PIK3R1: variants seen among roughly 807,000 people sequenced by gnomAD.
PIK3R1 encodes phosphatidylinositol 3-kinase regulatory subunit alpha.
A neutral mutation model predicts 98.0 loss-of-function variants in PIK3R1; 29 were observed. That is an observed-to-expected ratio of 0.30 (90% confidence interval 0.22 to 0.40). PIK3R1 has a LOEUF of 0.40. PIK3R1 is among the 10% of genes least tolerant of loss of function. The pLI, the probability that PIK3R1 is intolerant of heterozygous loss-of-function variation, is 1.00. For synonymous variants in PIK3R1, 282 were observed against 311.8 expected (o/e 0.90, Z 1.01); for missense variants, 596 against 872.7 (o/e 0.68, Z 3.99).
chr5:68,261,838 T>A (rs752072226), intron 2 of PIK3R1, among the ~76,000 whole-genome samples: 13 of 152,220 alleles, frequency 8.5e-5, no homozygotes, highest in Non-Finnish European at 8.8e-5. Context: ...TACTGAGGCC[T>A]AATCTGATAG....
At chr5:68,255,848 G>T (rs1040253934) in intron 2 of PIK3R1, among the ~76,000 whole-genome samples, 1 of 152,170 alleles carries the variant, frequency 6.6e-6, no homozygotes, top group East Asian at 1.9e-4. Flanking sequence ...GATTATTTGG[G>T]GCTTTGGGTC....
chr5:68,229,005 A>G (rs945761527), intron 2 of PIK3R1, among the ~76,000 whole-genome samples: 1 of 152,186 alleles, frequency 6.6e-6, no homozygotes, highest in African/African-American at 2.4e-5. Context: ...ACATGGAAAG[A>G]TGGAGTGAAA....
chr5:68,272,538 C>T (rs183829359), intron 2 of PIK3R1, among the ~76,000 whole-genome samples: 5 of 152,162 alleles, frequency 3.3e-5, no homozygotes, highest in African/African-American at 1.2e-4. Context: ...TTTTTGCTTA[C>T]AATGGTCTTA....
At chr5:68,274,158 C>T (rs1422120086) in intron 4 of PIK3R1, 145 bp downstream of exon 4, 9 of 713,020 alleles carry the variant, frequency 1.3e-5, no homozygotes, top group Non-Finnish European at 2.0e-5. Flanking sequence ...TTCTCCCTGC[C>T]CTGTTATGGT....
At chr5:68,269,821 G>A (rs1389260939) in intron 2 of PIK3R1, among the ~76,000 whole-genome samples, 1 of 151,718 alleles carries the variant, frequency 6.6e-6, no homozygotes, top group African/African-American at 2.4e-5. Context: ...ATATTTTAAA[G>A]AGGAAATGGA....
chr5:68,287,321 G>C (rs185036087), intron 7 of PIK3R1, among the ~76,000 whole-genome samples: 4 of 151,680 alleles, frequency 2.6e-5, no homozygotes, highest in Admixed American at 6.6e-5. Context: ...TTTTTTTTAC[G>C]TTCTCTAGCA....
rs572080239 is a variant in PIK3R1, at chr5:68,226,334, T to A, written c.-342T>A. ...TGCCACGGTACAATCAGACGACAGA[T>A]GGACAGTGTGACAAAAGTGTCAGAA... On this transcript the variant is annotated 5_prime_UTR_variant, in exon 2 of 16. The change abolishes an upstream ATG in the 5' untranslated region. Coordinates refer to ENST00000521381, the MANE Select transcript of PIK3R1 (RefSeq NM_181523.3). 1 of 437,164 alleles carries A rather than the reference T, an allele frequency of 2.3e-6. No homozygotes were observed. Among genetic ancestry groups the A allele is most frequent in the African/African-American group, 2.0e-5 (1 of 50,422 alleles). The allele number at this position is 437,164 out of a possible 1,614,324, so 27.1% of individuals were successfully genotyped here.
chr5:68,292,436 T>C, intron 8 of PIK3R1, 75 bp downstream of exon 8: 1 of 1,467,262 alleles, frequency 6.8e-7, no homozygotes, highest in Middle Eastern at 1.7e-4. Context: ...CTAAGTTCCA[T>C]TTTTAGGATA....
rs953744747 is a variant in PIK3R1 at position 68,251,011 on chromosome 5, G to A, written c.335-22379G>A. Among the ~76,000 whole-genome samples, 4 of 152,142 alleles carry A rather than the reference G, an allele frequency of 2.6e-5. No individual in the cohort carries two copies. The East Asian group carries it at 5.8e-4, about 22-fold the overall frequency. On this transcript the variant is annotated intron_variant, in intron 2 of 15. Coordinates refer to ENST00000521381, the MANE Select transcript of PIK3R1 (RefSeq NM_181523.3). ...CAAAGGAAAGTTAATCTGGTGCTCC[G>A]TGTCTGTTTTGTAATTCCCCAAGGG... is the stretch of plus-strand genomic sequence containing the variant.
chr5:68,256,386 C>G lies in PIK3R1; in HGVS notation c.335-17004C>G, dbSNP rs112422333. On this transcript the variant is annotated intron_variant, in intron 2 of 15. Coordinates refer to ENST00000521381, the MANE Select transcript of PIK3R1 (RefSeq NM_181523.3). ...CTGGGACTACAGGTGCCCGCCACCA[C>G]GCCCAGCTAATCTTTTTGTATTTTT... Among the ~76,000 whole-genome samples, 9 of 152,222 alleles carry G rather than the reference C, an allele frequency of 5.9e-5. No individual in the cohort carries two copies. The South Asian group carries it at 1.5e-3, about 25-fold the overall frequency.
intron 2 of PIK3R1, among the ~76,000 whole-genome samples, chr5:68,249,898 A>G (rs1745239204): frequency 6.6e-6 from 1 of 152,214 alleles, no homozygotes; most frequent in Admixed American, 6.5e-5. Context: ...GGGAACCCCT[A>G]AAGAACTGAA....
In PIK3R1 at chr5:68,247,172, CTCTA is replaced by C. The variant is rs767437872; in HGVS notation, c.334+20164_334+20167del. Reference sequence around the variant, plus strand: ...GTGCTTTGAATTTATCATGGCTCATCTCTAAGTCATAATAGTTTTTTGAGTAGAG... The same window carrying C: ...GTGCTTTGAATTTATCATGGCTCATCAGTCATAATAGTTTTTTGAGTAGAG... On this transcript the variant is annotated intron_variant, in intron 2 of 15. Transcript: ENST00000521381. 1.8e-3 allele frequency among the ~76,000 whole-genome samples: 272 copies of C among 152,266 alleles called. 1 individual carries two copies. Among genetic ancestry groups the C allele is most frequent in the Non-Finnish European group, 2.6e-3 (176 of 68,028 alleles).
At chr5:68,289,285 G>T (rs184916809) in intron 7 of PIK3R1, among the ~76,000 whole-genome samples, 70 of 152,258 alleles carry the variant, frequency 4.6e-4, no homozygotes, top group Admixed American at 1.6e-3. Flanking sequence ...GGTAAACTTA[G>T]GCAAATAGAA....
intron 2 of PIK3R1, among the ~76,000 whole-genome samples, chr5:68,258,551 A>G (rs1745617920): frequency 6.6e-6 from 1 of 152,190 alleles, no homozygotes; most frequent in African/African-American, 2.4e-5. Context: ...GCAGCTCATA[A>G]TGTCAAGATG....
intron 3 of PIK3R1, 81 bp downstream of exon 3, chr5:68,273,563 A>G: frequency 1.7e-6 from 2 of 1,187,404 alleles, no homozygotes; most frequent in Admixed American, 3.4e-5. Context: ...TTGTGCATTC[A>G]TTAAGTAAAT....
chr5:68,235,420 AT>A (rs1744629548), intron 2 of PIK3R1, among the ~76,000 whole-genome samples: 3 of 151,368 alleles, frequency 2.0e-5, no homozygotes, highest in Non-Finnish European at 4.4e-5. Flanking sequence ...AAATAAATAA[AT>A]AAATAAATAA....
chr5:68,254,398 C>T (rs138471369), intron 2 of PIK3R1, among the ~76,000 whole-genome samples: 20 of 152,160 alleles, frequency 1.3e-4, no homozygotes, highest in African/African-American at 4.8e-4. Flanking sequence ...GGATCATCTA[C>T]TCTTCCAACA....
In PIK3R1 at chr5:68,226,656, A is replaced by T; in HGVS notation, c.-20A>T. 1 of 1,591,024 alleles carries T rather than the reference A, an allele frequency of 6.3e-7. No homozygotes were observed. The highest frequency in any genetic ancestry group is 8.6e-7 in the Non-Finnish European group (1 of 1,160,696). Reference sequence around the variant, plus strand: ...CTGTACAACCAGGCTCAACTGTTGCATGGTAGCAGATTTGCAAACATGAGT... The same window carrying T: ...CTGTACAACCAGGCTCAACTGTTGCTTGGTAGCAGATTTGCAAACATGAGT... On this transcript the variant is annotated 5_prime_UTR_variant, in exon 2 of 16. It removes an upstream start codon present in the reference 5' UTR. Transcript: ENST00000521381.
chr5:68,247,091 C>T (rs1745127985), intron 2 of PIK3R1, among the ~76,000 whole-genome samples: 2 of 152,122 alleles, frequency 1.3e-5, no homozygotes, highest in African/African-American at 4.8e-5. Flanking sequence ...ATTCTTTCAG[C>T]GGTGCTTTTG....
Sources: allele counts gnomAD v4.1 joint callset (sites outside exome capture counted in the v4.1 genomes callset), GRCh38; gene constraint gnomAD v4.1.1; transcripts MANE v1.5; gene names NCBI Gene and HGNC (gene_info 2026-07-23, HGNC 2026-07-21).